NUP37: variants seen among roughly 807,000 people sequenced by gnomAD.
The protein encoded by NUP37 is nucleoporin Nup37.
Under a neutral mutation model 45.4 loss-of-function variants are expected in NUP37, and 33 were observed. The observed-to-expected ratio is 0.73, with a 90% CI of 0.55 to 0.97. The LOEUF (loss-of-function observed/expected upper bound fraction) is 0.97. Among genes scored for constraint, NUP37 ranks in the 50% least tolerant of loss-of-function variants. NUP37 has a pLI of 0.00. For missense variants in NUP37, 365 were observed against 389.7 expected, an observed-to-expected ratio of 0.94 and a Z score of 0.53; for synonymous variants, 127 against 130.7, an observed-to-expected ratio of 0.97 and a Z score of 0.19.
intron 8 of NUP37, among the ~76,000 whole-genome samples, chr12:102,075,792 G>A (rs1194531010): frequency 1.3e-5 from 2 of 151,928 alleles, no homozygotes; most frequent in African/African-American, 4.8e-5. Flanking sequence ...GGCACAGTGT[G>A]TCCTACCCTA....
intron 3 of NUP37, among the ~76,000 whole-genome samples, chr12:102,105,011 G>A (rs1211043384): frequency 6.6e-6 from 1 of 152,158 alleles, no homozygotes; most frequent in Non-Finnish European, 1.5e-5. Context: ...CATTGAATTT[G>A]TAGAGCTTTG....
intron 5 of NUP37, among the ~76,000 whole-genome samples, chr12:102,090,273 T>A (rs1879612788): frequency 6.6e-6 from 1 of 152,194 alleles, no homozygotes; most frequent in Admixed American, 6.5e-5. Context: ...TATCTATGTA[T>A]GGACAAATGT....
intron 2 of NUP37, among the ~76,000 whole-genome samples, chr12:102,116,162 G>A (rs1880455511): frequency 6.6e-6 from 1 of 152,044 alleles, no homozygotes; most frequent in South Asian, 2.1e-4. Context: ...TCTCATGTTA[G>A]TCATTTTCCT....
chr12:102,083,378 G>A (rs77236739), intron 6 of NUP37, among the ~76,000 whole-genome samples: 5,389 of 152,230 alleles, frequency 0.035, 387 homozygotes, highest in East Asian at 0.29. Context: ...ATGCACATAT[G>A]CAGAGTATAA....
In NUP37 at chr12:102,095,250, GATA is replaced by G. The variant is rs534768848; in HGVS notation, c.449+3853_449+3855del. ...ACTTTTACCTTCTTTTGGAGGAGGA[GATA>G]ATAATTTTTTCTAAATGAATATGCA... On this transcript the variant is annotated intron_variant, in intron 5 of 9. Transcript: ENST00000552283. Among the ~76,000 whole-genome samples the G allele has an allele frequency of 1.6e-4, 24 of 152,166 alleles. No homozygotes were observed. The East Asian group carries it at 3.5e-3, about 22-fold the overall frequency.
chr12:102,086,507 C>T (rs1337956492), intron 5 of NUP37, among the ~76,000 whole-genome samples: 2 of 152,166 alleles, frequency 1.3e-5, no homozygotes, highest in Non-Finnish European at 2.9e-5. Context: ...TTTGGTTCTT[C>T]CTGTTCTCAC....
intron 3 of NUP37, among the ~76,000 whole-genome samples, chr12:102,111,291 A>T (rs371966612): frequency 1.8e-4 from 27 of 152,296 alleles, no homozygotes; most frequent in African/African-American, 5.3e-4. Flanking sequence ...AGTGGGGTAC[A>T]ATGATTAACT....
At chr12:102,075,729 A>AT (rs1229563146) in intron 8 of NUP37, among the ~76,000 whole-genome samples, 1 of 152,168 alleles carries the variant, frequency 6.6e-6, no homozygotes, top group African/African-American at 2.4e-5. Flanking sequence ...GGCATCAAAT[A>AT]TGACAGCCAT....
chr12:102,092,924 GATTA>G (rs1024978366), intron 5 of NUP37, among the ~76,000 whole-genome samples: 2 of 152,052 alleles, frequency 1.3e-5, no homozygotes, highest in Non-Finnish European at 2.9e-5. Context: ...AATAAGATTA[GATTA>G]ATTCTTTTTT....
chr12:102,089,852 T>C (rs1269932550), intron 5 of NUP37, among the ~76,000 whole-genome samples: 1 of 152,240 alleles, frequency 6.6e-6, no homozygotes, highest in African/African-American at 2.4e-5. Context: ...TTCATTCTAC[T>C]CCTGACAGAC....
intron 6 of NUP37, among the ~76,000 whole-genome samples, chr12:102,085,423 A>AAAAAAC (rs1391300544): frequency 2.6e-5 from 4 of 152,184 alleles, no homozygotes; most frequent in African/African-American, 4.8e-5. Context: ...CCCTGTCTAA[A>AAAAAAC]AAAAACAAAA....
intron 3 of NUP37, among the ~76,000 whole-genome samples, chr12:102,111,278 G>A (rs1164283312): frequency 6.6e-6 from 1 of 152,196 alleles, no homozygotes; most frequent in African/African-American, 2.4e-5. Flanking sequence ...TGCTTCTGCA[G>A]GGAGTGGGGT....
chr12:102,112,333 TTTGAAAAG>T (rs1168613083), intron 2 of NUP37, 101 bp from the exon 3 acceptor site: 5 of 984,082 alleles, frequency 5.1e-6, no homozygotes, highest in Admixed American at 6.3e-5. Context: ...TGCTTATGCT[TTTGAAAAG>T]TTCAAAAGCA....
rs1336473022 is a variant in NUP37 at position 102,112,319 on chromosome 12, G to A, written c.157-87C>T. 4 of 1,103,598 alleles carry A rather than the reference G, an allele frequency of 3.6e-6. No homozygotes were observed. The African/African-American group carries it at 4.8e-5, about 13-fold the overall frequency. The allele number at this position is 1,103,598 out of a possible 1,614,324, so 68.4% of individuals were successfully genotyped here. Reference sequence around the variant, plus strand: ...TTCATTATAATGAATTTATCAGGAGGTTATGCTTATGCTTTTGAAAAGTTC... The same window carrying A: ...TTCATTATAATGAATTTATCAGGAGATTATGCTTATGCTTTTGAAAAGTTC... On this transcript the variant is annotated intron_variant, in intron 2 of 9. Coordinates refer to ENST00000552283, the MANE Select transcript of NUP37 (RefSeq NM_024057.4).
chr12:102,074,325 G>A lies in NUP37; in HGVS notation c.*29C>T, dbSNP rs373141402. ...TCAAAATATGTACTAAAAATACAAA[G>A]TTTGTGAATCTAAGGTACAGAAAAC... On this transcript the variant is annotated 3_prime_UTR_variant, in exon 10 of 10. Transcript: ENST00000552283. 3.8e-5 allele frequency: 52 copies of A among 1,354,042 alleles called. No individual in the cohort carries two copies. The African/African-American group carries it at 5.9e-4, about 15-fold the overall frequency. The allele number at this position is 1,354,042 out of a possible 1,614,324, so 83.9% of individuals were successfully genotyped here. A position where few individuals can be genotyped will look rare whatever the true frequency, so the allele number is the denominator to read the frequency against.
chr12:102,113,081 G>C (rs1318746663), intron 2 of NUP37, among the ~76,000 whole-genome samples: 1 of 152,164 alleles, frequency 6.6e-6, no homozygotes, highest in African/African-American at 2.4e-5. Flanking sequence ...GCTGGCAATG[G>C]AGACAATAAC....
At chr12:102,113,707 T>C (rs996305758) in intron 2 of NUP37, among the ~76,000 whole-genome samples, 2 of 152,212 alleles carry the variant, frequency 1.3e-5, no homozygotes, top group Non-Finnish European at 2.9e-5. Context: ...TTATAAAGTA[T>C]CAGGGAAAAA....
intron 6 of NUP37, among the ~76,000 whole-genome samples, chr12:102,081,715 ATTT>A (rs879750457): frequency 6.9e-6 from 1 of 145,638 alleles, no homozygotes; most frequent in Non-Finnish European, 1.5e-5. Flanking sequence ...TCATTTAGCT[ATTT>A]TTTTTTTTTT....
Position 102,074,225 on chromosome 12 carries a change from G to A in NUP37, c.*129C>T, listed in dbSNP as rs1042487041. ...ACCATCAACATTTTATTTAATAAAAGCAACTGAGACATTTTCTAAAGTATA... is the reference window on the plus strand; with the variant it reads ...ACCATCAACATTTTATTTAATAAAAACAACTGAGACATTTTCTAAAGTATA... On this transcript the variant is annotated 3_prime_UTR_variant, in exon 10 of 10. Transcript: ENST00000552283. The A allele has an allele frequency of 1.2e-5, 6 of 491,064 alleles. No individual in the cohort carries two copies. Among genetic ancestry groups the A allele is most frequent in the African/African-American group, 2.0e-5 (1 of 50,402 alleles). 30.4% of individuals were successfully genotyped at this position (491,064 alleles called of 1,614,324 possible). A position where few individuals can be genotyped will look rare whatever the true frequency, so the allele number is the denominator to read the frequency against.
Sources: allele counts gnomAD v4.1 joint callset (sites outside exome capture counted in the v4.1 genomes callset), GRCh38; gene constraint gnomAD v4.1.1; transcripts MANE v1.5; gene names NCBI Gene and HGNC (gene_info 2026-07-23, HGNC 2026-07-21).